Variants in CREB3L1 observed in about 807,000 individuals in gnomAD.
CREB3L1 encodes cAMP responsive element binding protein 3 like 1, also known as cyclic AMP-responsive element-binding protein 3-like protein 1.
CREB3L1 carries 33 observed loss-of-function variants against 54.5 expected under a neutral mutation model. That is an observed-to-expected ratio of 0.61 (90% CI 0.46 to 0.81). The LOEUF is 0.81. Ranked by LOEUF, CREB3L1 falls within the 30% of genes least tolerant of loss-of-function variation. The probability of loss-of-function intolerance (pLI) is 0.00; values close to 1 mark genes in which losing one functional copy is unlikely to be tolerated. For missense variants in CREB3L1, 656 were observed against 673.3 expected (o/e 0.97, Z 0.29); for synonymous variants, 284 against 286.4 (o/e 0.99, Z 0.08).
intron 1 of CREB3L1, among the ~76,000 whole-genome samples, chr11:46,292,904 G>A (rs938107270): frequency 6.6e-6 from 1 of 152,090 alleles, no homozygotes; most frequent in Non-Finnish European, 1.5e-5. Context: ...TTACAAGTGT[G>A]AGCCCCCTTG....
In CREB3L1 at chr11:46,278,111, G is replaced by T; in HGVS notation, c.-1G>T. 6.5e-7 allele frequency: 1 copy of T among 1,549,308 alleles called. No homozygotes were observed. Among genetic ancestry groups the T allele is most frequent in the Non-Finnish European group, 8.7e-7 (1 of 1,145,942 alleles). Reference sequence around the variant, plus strand: ...GAAGGGGGTCCCGGGAGCCGGCTGCGATGGACGCCGTCTTGGAACCCTTCC... The same window carrying T: ...GAAGGGGGTCCCGGGAGCCGGCTGCTATGGACGCCGTCTTGGAACCCTTCC... On this transcript the variant is annotated 5_prime_UTR_variant, in exon 1 of 12. Coordinates refer to ENST00000621158, the MANE Select transcript of CREB3L1 (RefSeq NM_052854.4). This position sits in a 1 kb window ranked among gnomAD's most constrained non-coding sequence, Gnocchi z 4.2.
chr11:46,305,610 G>A (rs896221565), intron 2 of CREB3L1, among the ~76,000 whole-genome samples: 4 of 143,142 alleles, frequency 2.8e-5, no homozygotes, highest in African/African-American at 5.3e-5. Context: ...ACATATATAT[G>A]TGTGTGTGTA....
At chr11:46,297,159 C>A (rs536760576) in intron 1 of CREB3L1, among the ~76,000 whole-genome samples, 373 of 152,338 alleles carry the variant, frequency 2.4e-3, no homozygotes, top group African/African-American at 8.5e-3. Context: ...CTGGCGGAAG[C>A]GCCCCCAGCC....
intron 3 of CREB3L1, among the ~76,000 whole-genome samples, chr11:46,308,286 G>A (rs1465980238): frequency 2.6e-5 from 4 of 152,144 alleles, no homozygotes; most frequent in African/African-American, 9.7e-5. Flanking sequence ...GTGGCATCAG[G>A]AGCCCAGTCC....
At chr11:46,303,178 C>G (rs1447917209) in intron 2 of CREB3L1, among the ~76,000 whole-genome samples, 1 of 152,164 alleles carries the variant, frequency 6.6e-6, no homozygotes, top group Non-Finnish European at 1.5e-5. Context: ...GTGTGCATCC[C>G]CGTGTCTCCA....
At chr11:46,301,589 G>A (rs1590344772) in intron 2 of CREB3L1, among the ~76,000 whole-genome samples, 1 of 152,208 alleles carries the variant, frequency 6.6e-6, no homozygotes. Context: ...CTTGAACCTG[G>A]GAGGCGGAGG....
At chr11:46,319,589 G>A (rs1323151441) in intron 10 of CREB3L1, among the ~76,000 whole-genome samples, 1 of 152,110 alleles carries the variant, frequency 6.6e-6, no homozygotes, top group Non-Finnish European at 1.5e-5. Context: ...AAAGTAAGTG[G>A]TGGACTGGCC....
At chr11:46,310,473 T>C (rs1939467743) in intron 4 of CREB3L1, among the ~76,000 whole-genome samples, 1 of 152,010 alleles carries the variant, frequency 6.6e-6, no homozygotes, top group South Asian at 2.1e-4. Context: ...TTGGCCATAT[T>C]GGTCAGGCTG....
In CREB3L1 at chr11:46,303,939, G is replaced by A. The variant is rs565165552; in HGVS notation, c.331+3776G>A. On this transcript the variant is annotated intron_variant, in intron 2 of 11. Coordinates refer to ENST00000621158, the MANE Select transcript of CREB3L1 (RefSeq NM_052854.4). ...GAGGATATCTTAAGCCCCGGAGGTC[G>A]AGGCTGCAGTGAGCTATGATGGCAC... Among the ~76,000 whole-genome samples the A allele has an allele frequency of 4.6e-4, 70 of 152,268 alleles. 1 individual carries two copies. The highest frequency in any genetic ancestry group is 2.2e-3 in the Admixed American group (34 of 15,296).
At chr11:46,305,678 GTGTGTGTATATA>G (rs1344248755) in intron 2 of CREB3L1, among the ~76,000 whole-genome samples, 192 of 118,250 alleles carry the variant, frequency 1.6e-3, no homozygotes, top group African/African-American at 3.4e-3. Flanking sequence ...ATATATGTGT[GTGTGTGTATATA>G]TGTGTGTGTG....
Position 46,309,006 on chromosome 11 carries a change from G to A in CREB3L1, c.517-983G>A, listed in dbSNP as rs529205710. Among the ~76,000 whole-genome samples the A allele has an allele frequency of 8.5e-5, 13 of 152,338 alleles. 1 individual carries two copies. The highest frequency in any genetic ancestry group is 1.9e-4 in the Non-Finnish European group (13 of 68,038). ...TTTGCCCAAAATCATGCAGTTAGAA[G>A]CAACTGACATGCCTTCCAAATTCGG... is the stretch of plus-strand genomic sequence containing the variant. On this transcript the variant is annotated intron_variant, in intron 3 of 11. Coordinates refer to ENST00000621158, the MANE Select transcript of CREB3L1 (RefSeq NM_052854.4).
At position 46,277,853 on chromosome 11, in the gene CREB3L1, A is replaced by G; in HGVS notation, c.-259A>G. ...GCTGTGCCCCAGGAGGAGCAGGAGG[A>G]GGTGGAGTCGGCTGAATGCCCACGG... On this transcript the variant is annotated 5_prime_UTR_variant, in exon 1 of 12. Coordinates refer to ENST00000621158, the MANE Select transcript of CREB3L1 (RefSeq NM_052854.4). 1 of 348,000 alleles carries G rather than the reference A, an allele frequency of 2.9e-6. No homozygotes were observed. The highest frequency in any genetic ancestry group is 5.2e-6 in the Non-Finnish European group (1 of 193,422). The allele number at this position is 348,000 out of a possible 1,614,324, so 21.6% of individuals were successfully genotyped here.
At position 46,278,207 on chromosome 11, in the gene CREB3L1, C is replaced by T; in HGVS notation, c.96C>T (p.Asn32=). ...LGDLNESDFL[N]NAHFPEHLDH... ...ATCTGAACGAGTCGGACTTCCTCAA[C>T]AATGCGGTAAGATGAAGGGTCTCCG... is the stretch of plus-strand genomic sequence containing the variant. Residue 32 remains asparagine, a synonymous_variant, in exon 1 of 12, where the codon AAC becomes AAT. Transcript: ENST00000621158. This position sits in a 1 kb window ranked among gnomAD's most constrained non-coding sequence, Gnocchi z 4.2. 1 of 1,562,904 alleles carries T rather than the reference C, an allele frequency of 6.4e-7. No homozygotes were observed. The highest frequency in any genetic ancestry group is 8.7e-7 in the Non-Finnish European group (1 of 1,152,558).
intron 1 of CREB3L1, among the ~76,000 whole-genome samples, chr11:46,293,622 A>G (rs1033581397): frequency 1.3e-5 from 2 of 152,198 alleles, no homozygotes; most frequent in Non-Finnish European, 2.9e-5. Flanking sequence ...ACACTGGCAA[A>G]GAAAAGCTCA....
At position 46,310,252 on chromosome 11, in the gene CREB3L1, G is replaced by A. The variant is rs557723165; in HGVS notation, c.595+185G>A. ...TCTTCGTCTAGTCCTCTTCGTTTTTGTTTTTTGTTTGTTTGTTTGTTTGTT... is the reference window on the plus strand; with the variant it reads ...TCTTCGTCTAGTCCTCTTCGTTTTTATTTTTTGTTTGTTTGTTTGTTTGTT... On this transcript the variant is annotated intron_variant, in intron 4 of 11. Transcript: ENST00000621158. Among the ~76,000 whole-genome samples, 11 of 131,928 alleles carry A rather than the reference G, an allele frequency of 8.3e-5. No homozygotes were observed. The East Asian group carries it at 2.2e-3, about 26-fold the overall frequency. 86.5% of individuals were successfully genotyped at this position (131,928 alleles called of 152,430 possible).
intron 8 of CREB3L1, among the ~76,000 whole-genome samples, chr11:46,314,845 T>A (rs1218367691): frequency 6.6e-6 from 1 of 151,792 alleles, no homozygotes; most frequent in Non-Finnish European, 1.5e-5. Context: ...ATAGCTGGGA[T>A]TACAGACGTG....
In CREB3L1 at chr11:46,310,958, C is replaced by G. The variant is rs536974189; in HGVS notation, c.596-74C>G. The G allele has an allele frequency of 4.7e-6, 7 of 1,482,026 alleles. No individual in the cohort carries two copies. In the Admixed American group the frequency reaches 7.0e-5, roughly 15 times the overall value. 91.8% of individuals were successfully genotyped at this position (1,482,026 alleles called of 1,614,324 possible). ...ATGTCAGGGCTGGTGCAAGCTCATG[C>G]TCAGCTGAACTCATGATGTCCAAGT... is the stretch of plus-strand genomic sequence containing the variant. On this transcript the variant is annotated intron_variant, in intron 4 of 11. Transcript: ENST00000621158.
chr11:46,311,568 C>T (rs1413355609), intron 5 of CREB3L1, among the ~76,000 whole-genome samples: 1 of 151,462 alleles, frequency 6.6e-6, no homozygotes, highest in South Asian at 2.1e-4. Flanking sequence ...GGCACGATCT[C>T]GGCTCACTGC....
At chr11:46,318,015 G>A (rs964274871) in intron 10 of CREB3L1, among the ~76,000 whole-genome samples, 2 of 152,280 alleles carry the variant, frequency 1.3e-5, no homozygotes, top group South Asian at 4.1e-4. Flanking sequence ...TCAGGAGTTC[G>A]ACGCCAGCCT....
Sources: gnomAD v4.1 joint callset for allele counts (sites outside exome capture counted in the v4.1 genomes callset) on GRCh38, gnomAD v4.1.1 for gene constraint, Gnocchi (gnomAD v3.1) non-coding constraint, MANE v1.5 for transcripts, NCBI Gene and HGNC (gene_info 2026-07-23, HGNC 2026-07-21) for gene names.